The following HIVEP3 variants were observed in gnomAD, a reference collection of about 807,000 sequenced individuals.
HIVEP3 encodes the protein transcription factor HIVEP3.
Under a neutral mutation model 152.8 loss-of-function variants are expected in HIVEP3, and 49 were observed. The observed-to-expected ratio is 0.32, with a 90% CI of 0.26 to 0.41. The LOEUF (loss-of-function observed/expected upper bound fraction) is 0.41, where lower values mean the gene tolerates loss of function less well. Ranked by LOEUF, HIVEP3 falls within the 10% of genes least tolerant of loss-of-function variation. HIVEP3 has a pLI of 1.00. For missense variants in HIVEP3, 2,790 were observed against 3,103.3 expected, an observed-to-expected ratio of 0.90 and a Z score of 2.40; for synonymous variants, 1,269 against 1,289.0, an observed-to-expected ratio of 0.98 and a Z score of 0.33.
rs947151614 is a variant in HIVEP3 at position 41,568,226 on chromosome 1, G to A, written c.5207+7318C>T. On this transcript the variant is annotated intron_variant, in intron 5 of 8. Coordinates refer to ENST00000372583, the MANE Select transcript of HIVEP3 (RefSeq NM_024503.5). ...AAGCAGGAAAGGAAGAGGATAAGAA[G>A]TGCCATGGAGTGTGCAAATTCATCG... Among the ~76,000 whole-genome samples the A allele has an allele frequency of 7.2e-5, 11 of 152,362 alleles. No individual in the cohort carries two copies. In the South Asian group the frequency reaches 1.4e-3, roughly 20 times the overall value.
chr1:41,513,238 G>A lies in HIVEP3; in HGVS notation c.5983C>T (p.Gln1995Ter). 6.2e-7 allele frequency: 1 copy of A among 1,613,694 alleles called. No homozygotes were observed. Among genetic ancestry groups the A allele is most frequent in the Non-Finnish European group, 8.5e-7 (1 of 1,179,986 alleles). The change falls in exon 8 of 9, where the codon CAG becomes TAG. Residue 1995 changes from glutamine (Q) to a stop codon, truncating the protein, a stop_gained. Transcript: ENST00000372583. LOFTEE classifies it high-confidence loss of function. ...HSLTKNDSSP[Q>*]RCSPAREPQA... ...GGTTCTCGGGCCGGGGAGCATCGCT[G>A]GGGAGATGAGTCGTTTTTGGTTAGC...
chr1:41,526,747 T>G (rs141384184), intron 5 of HIVEP3, among the ~76,000 whole-genome samples: 826 of 74,810 alleles, frequency 0.011, 21 homozygotes, highest in African/African-American at 0.041. Flanking sequence ...TAAAACGTGC[T>G]CACATCCCCA....
rs1184218215 is a variant in HIVEP3 at position 41,581,503 on chromosome 1, G to T, written c.3295C>A (p.Pro1099Thr). The change falls in exon 4 of 9, where the codon CCG (proline) becomes ACG (threonine). Residue 1099 changes from proline to threonine, a missense_variant. Physicochemically the swap from Pro to Thr is conservative, Grantham distance 38. This residue lies in a region of HIVEP3 where 1,078 missense variants were observed against 1,165.3 expected (regional missense o/e 0.93). Transcript: ENST00000372583. This position sits in a 1 kb window ranked among gnomAD's most constrained non-coding sequence, Gnocchi z 4.5. ...SSAATSHGGP[P>T]GGKGPGQDRP... ...TCCTGCCCTGGGCCCTTGCCTCCCG[G>T]GGGTCCACCATGTGAGGTGGCCGCA... The T allele has an allele frequency of 6.3e-7, 1 of 1,578,636 alleles. No individual in the cohort carries two copies. Among genetic ancestry groups the T allele is most frequent in the Non-Finnish European group, 8.6e-7 (1 of 1,162,974 alleles).
intron 1 of HIVEP3, among the ~76,000 whole-genome samples, chr1:41,996,119 G>T (rs59624270): frequency 0.04 from 6,103 of 152,086 alleles, 433 homozygotes; most frequent in African/African-American, 0.14. Flanking sequence ...GGGGTCCAGA[G>T]GCAGTGGCTC....
At chr1:41,894,014 G>A (rs1644491810) in intron 1 of HIVEP3, among the ~76,000 whole-genome samples, 1 of 151,506 alleles carries the variant, frequency 6.6e-6, no homozygotes, top group Non-Finnish European at 1.5e-5. Flanking sequence ...TCCACCTACT[G>A]GGTTCAAGTG....
intron 3 of HIVEP3, among the ~76,000 whole-genome samples, chr1:41,606,030 C>T (rs1644818222): frequency 6.6e-6 from 1 of 152,100 alleles, no homozygotes; most frequent in African/African-American, 2.4e-5. Context: ...TCCATTTCTT[C>T]TCAAATTATT....
At chr1:41,746,409 A>G (rs1647072895) in intron 1 of HIVEP3, among the ~76,000 whole-genome samples, 1 of 152,238 alleles carries the variant, frequency 6.6e-6, no homozygotes, top group South Asian at 2.1e-4. Context: ...GCACAGGAAG[A>G]AAGAGCATTG....
chr1:41,935,362 A>T (rs1367302998), intron 1 of HIVEP3, among the ~76,000 whole-genome samples: 1 of 152,186 alleles, frequency 6.6e-6, no homozygotes, highest in Non-Finnish European at 1.5e-5. Context: ...AGATGATGTT[A>T]ATTATTTCCT....
chr1:41,905,989 A>G (rs576431158), intron 1 of HIVEP3, among the ~76,000 whole-genome samples: 95 of 152,276 alleles, frequency 6.2e-4, no homozygotes, highest in Middle Eastern at 3.4e-3. Context: ...AAACAATCCA[A>G]ATTTCTATCA....
intron 1 of HIVEP3, among the ~76,000 whole-genome samples, chr1:41,844,881 G>C (rs902206818): frequency 1.3e-5 from 2 of 152,230 alleles, no homozygotes; most frequent in East Asian, 3.9e-4. Context: ...CAGCTGACCT[G>C]GGCTTCTTTG....
chr1:41,711,331 C>T (rs926220825), intron 1 of HIVEP3, among the ~76,000 whole-genome samples: 11 of 152,214 alleles, frequency 7.2e-5, no homozygotes, highest in Admixed American at 4.6e-4. Context: ...GCATCCATGG[C>T]GTCTACTGGT....
At chr1:41,697,968 C>T (rs1023410131) in intron 2 of HIVEP3, among the ~76,000 whole-genome samples, 26 of 152,172 alleles carry the variant, frequency 1.7e-4, no homozygotes, top group Non-Finnish European at 1.0e-4. Flanking sequence ...CACTTCACAG[C>T]CCTGTGTGTT....
chr1:41,983,900 T>C (rs956865876), intron 1 of HIVEP3, among the ~76,000 whole-genome samples: 2 of 152,216 alleles, frequency 1.3e-5, no homozygotes, highest in African/African-American at 4.8e-5. Flanking sequence ...GCCTCTCATG[T>C]ACAAAAGGGA....
chr1:41,527,536 CACGTAT>C (rs1643030763), intron 5 of HIVEP3, among the ~76,000 whole-genome samples: 2 of 141,872 alleles, frequency 1.4e-5, no homozygotes, highest in Admixed American at 7.1e-5. Flanking sequence ...TGCTCACCCT[CACGTAT>C]ACACCCCCAC....
intron 5 of HIVEP3, among the ~76,000 whole-genome samples, chr1:41,562,520 C>T (rs1558062664): frequency 6.9e-6 from 1 of 144,866 alleles, no homozygotes; most frequent in Non-Finnish European, 1.5e-5. Context: ...TTTCTCCTTC[C>T]TCCCTTCCCT....
Position 41,906,786 on chromosome 1 carries a change from G to A in HIVEP3, c.-801+11627C>T, listed in dbSNP as rs565476562. On this transcript the variant is annotated intron_variant, in intron 1 of 8. Transcript: ENST00000372583. ...GAAGCTAACGGTGAGAGTTACATAC[G>A]TTCTGCTTCCTTTGTTTTTTGTTCC... 4.0e-4 allele frequency among the ~76,000 whole-genome samples: 60 copies of A among 151,592 alleles called. No homozygotes were observed. In the South Asian group the frequency reaches 8.6e-3, roughly 22 times the overall value.
At chr1:41,891,008 C>A (rs565730332) in intron 1 of HIVEP3, among the ~76,000 whole-genome samples, 1 of 152,190 alleles carries the variant, frequency 6.6e-6, no homozygotes, top group Non-Finnish European at 1.5e-5. Context: ...AGCAGGCCAG[C>A]TGGAGAGGTG....
intron 1 of HIVEP3, among the ~76,000 whole-genome samples, chr1:41,889,969 C>A (rs12073820): frequency 0.023 from 3,530 of 152,292 alleles, 144 homozygotes; most frequent in African/African-American, 0.081. Flanking sequence ...ATCTGCTCAC[C>A]ATCCAATGAA....
intron 1 of HIVEP3, among the ~76,000 whole-genome samples, chr1:41,925,120 T>G (rs58708799): frequency 0.41 from 63,053 of 152,076 alleles, 15,021 homozygotes; most frequent in East Asian, 0.71. Context: ...GGATCTGACA[T>G]TTTTAAAGGA....
Sources: allele counts gnomAD v4.1 joint callset (sites outside exome capture counted in the v4.1 genomes callset), GRCh38; gene constraint gnomAD v4.1.1; regional missense constraint gnomAD v4.1.1; non-coding constraint Gnocchi (gnomAD v3.1); transcripts MANE v1.5; gene names NCBI Gene and HGNC (gene_info 2026-07-23, HGNC 2026-07-21).